Variants in ADK observed in about 807,000 individuals in gnomAD.
ADK encodes the protein adenosine kinase.
Under a neutral mutation model 44.7 loss-of-function variants are expected in ADK, and 24 were observed. That is an observed-to-expected ratio of 0.54 (90% CI 0.39 to 0.76). The LOEUF is 0.76. Ranked by LOEUF, ADK falls within the 30% of genes least tolerant of loss-of-function variation. The pLI is 0.00. For synonymous variants in ADK, 128 were observed against 142.6 expected, an observed-to-expected ratio of 0.90 and a Z score of 0.73; for missense variants, 321 against 425.1, an observed-to-expected ratio of 0.76 and a Z score of 2.15.
intron 7 of ADK, among the ~76,000 whole-genome samples, chr10:74,546,811 A>G (rs1564785456): frequency 6.6e-6 from 1 of 152,164 alleles, no homozygotes; most frequent in Non-Finnish European, 1.5e-5. Context: ...ATAGACATCA[A>G]AATTGACAAA....
At chr10:74,314,849 T>C (rs1207778467) in intron 4 of ADK, 104 bp downstream of exon 4, 3 of 878,612 alleles carry the variant, frequency 3.4e-6, no homozygotes, top group Non-Finnish European at 5.5e-6. Context: ...TAGAATAGTT[T>C]TGTTCATTTG....
chr10:74,156,408 C>T (rs1420121878), intron 1 of ADK, among the ~76,000 whole-genome samples: 4 of 152,086 alleles, frequency 2.6e-5, no homozygotes, highest in African/African-American at 9.7e-5. Context: ...TGCTTGAGGC[C>T]AGGAGTTCTA....
rs963992875 is a variant in ADK at position 74,153,749 on chromosome 10, A to G, written c.65+2406A>G. Among the ~76,000 whole-genome samples the G allele has an allele frequency of 3.9e-5, 6 of 152,346 alleles. No individual in the cohort carries two copies. In the South Asian group the frequency reaches 1.0e-3, roughly 26 times the overall value. On this transcript the variant is annotated intron_variant, in intron 1 of 10. Coordinates refer to ENST00000539909, the MANE Select transcript of ADK (RefSeq NM_006721.4). ...ACTGCTCCCTAGATGAAGGTGTTCC[A>G]TGATGATCACTTATATTTAAGACAA...
chr10:74,307,818 A>T (rs1243889832), intron 3 of ADK, among the ~76,000 whole-genome samples: 2 of 152,156 alleles, frequency 1.3e-5, no homozygotes, highest in Non-Finnish European at 2.9e-5. Flanking sequence ...GCAAACCAGT[A>T]AGGGAGGTGG....
At chr10:74,444,095 G>C (rs929530040) in intron 6 of ADK, among the ~76,000 whole-genome samples, 2 of 152,116 alleles carry the variant, frequency 1.3e-5, no homozygotes, top group Admixed American at 6.5e-5. Context: ...TGGCCTACCT[G>C]TTCAGAGTAT....
chr10:74,322,353 C>G (rs932679305), intron 4 of ADK, among the ~76,000 whole-genome samples: 3 of 152,126 alleles, frequency 2.0e-5, no homozygotes, highest in African/African-American at 7.2e-5. Flanking sequence ...AACACCGTCT[C>G]GTCAATTCTT....
intron 4 of ADK, among the ~76,000 whole-genome samples, chr10:74,356,657 G>C (rs1475935894): frequency 6.6e-6 from 1 of 152,096 alleles, no homozygotes; most frequent in Non-Finnish European, 1.5e-5. Flanking sequence ...AACATCCAAT[G>C]TCTCAAATAA....
chr10:74,312,229 G>A (rs1316416815), intron 3 of ADK, among the ~76,000 whole-genome samples: 1 of 152,090 alleles, frequency 6.6e-6, no homozygotes, highest in Non-Finnish European at 1.5e-5. Context: ...TATATGGAGT[G>A]CAAAAAACCA....
At chr10:74,176,591 C>T (rs948500835) in intron 1 of ADK, 2 of 1,369,108 alleles carry the variant, frequency 1.5e-6, no homozygotes, top group South Asian at 1.7e-5. Context: ...CGCTAGTCAT[C>T]TCGCTAGCCC....
intron 1 of ADK, among the ~76,000 whole-genome samples, chr10:74,157,758 G>T (rs1314745717): frequency 6.6e-6 from 1 of 151,920 alleles, no homozygotes; most frequent in Non-Finnish European, 1.5e-5. Context: ...TGGATGTGGT[G>T]GTCCATGCCT....
At chr10:74,192,801 C>T (rs1005209803) in intron 1 of ADK, among the ~76,000 whole-genome samples, 2 of 152,198 alleles carry the variant, frequency 1.3e-5, no homozygotes, top group African/African-American at 2.4e-5. Flanking sequence ...GCTGGGATTA[C>T]AGGTGTGAGC....
At chr10:74,383,904 G>A (rs1843057178) in intron 4 of ADK, among the ~76,000 whole-genome samples, 1 of 152,128 alleles carries the variant, frequency 6.6e-6, no homozygotes, top group African/African-American at 2.4e-5. Context: ...TCCTGCACCT[G>A]CTGTTCTCAA....
intron 4 of ADK, among the ~76,000 whole-genome samples, chr10:74,382,974 T>C (rs1373930396): frequency 6.6e-6 from 1 of 151,746 alleles, no homozygotes; most frequent in Non-Finnish European, 1.5e-5. Flanking sequence ...CTCTCACACA[T>C]ACCCTGCAAT....
At chr10:74,616,123 T>C (rs900544077) in intron 9 of ADK, among the ~76,000 whole-genome samples, 4 of 152,200 alleles carry the variant, frequency 2.6e-5, no homozygotes, top group African/African-American at 9.7e-5. Flanking sequence ...GCCAGTCTTT[T>C]GTTAGATAAA....
intron 7 of ADK, among the ~76,000 whole-genome samples, chr10:74,552,116 T>C (rs1164416414): frequency 6.6e-6 from 1 of 152,172 alleles, no homozygotes; most frequent in Non-Finnish European, 1.5e-5. Context: ...ATACATATTT[T>C]GGGATCATTT....
At chr10:74,338,900 G>A (rs998578951) in intron 4 of ADK, among the ~76,000 whole-genome samples, 11 of 152,122 alleles carry the variant, frequency 7.2e-5, no homozygotes, top group Non-Finnish European at 1.6e-4. Flanking sequence ...TTATAGAATA[G>A]TACACACACA....
At chr10:74,410,731 C>A (rs752964833) in intron 6 of ADK, among the ~76,000 whole-genome samples, 2 of 152,088 alleles carry the variant, frequency 1.3e-5, no homozygotes, top group African/African-American at 4.8e-5. Context: ...TAGCTTTAAA[C>A]CTTATTCGAC....
intron 7 of ADK, among the ~76,000 whole-genome samples, chr10:74,543,209 T>TAA (rs764981876): frequency 3.2e-4 from 45 of 141,020 alleles, no homozygotes; most frequent in African/African-American, 5.9e-4. Flanking sequence ...CTATTTCATT[T>TAA]AAAAAAAAAA....
chr10:74,523,075 G>C (rs1056052037), intron 6 of ADK, among the ~76,000 whole-genome samples: 1 of 152,084 alleles, frequency 6.6e-6, no homozygotes, highest in East Asian at 1.9e-4. Flanking sequence ...CATGTAAGCT[G>C]TGTGTCCTAA....
Sources: gnomAD v4.1 joint callset for allele counts (sites outside exome capture counted in the v4.1 genomes callset) on GRCh38, gnomAD v4.1.1 for gene constraint, MANE v1.5 for transcripts, NCBI Gene and HGNC (gene_info 2026-07-23, HGNC 2026-07-21) for gene names.